TMEM164: variants seen among roughly 807,000 people sequenced by gnomAD.
TMEM164 encodes the protein transmembrane protein 164.
TMEM164 carries 4 observed loss-of-function variants against 18.8 expected under a neutral mutation model. The ratio of observed to expected loss-of-function variants is 0.21; its 90% CI spans 0.10 to 0.49. The LOEUF is 0.49. Among genes scored for constraint, TMEM164 ranks in the 20% least tolerant of loss-of-function variants. TMEM164 has a pLI of 0.98. For synonymous variants in TMEM164, 86 were observed against 101.7 expected, an observed-to-expected ratio of 0.85 and a Z score of 0.93; for missense variants, 108 against 239.9, an observed-to-expected ratio of 0.45 and a Z score of 3.63.
rs140695981 is a variant in TMEM164, at chrX:110,051,131, G to A, written c.391-16216G>A. Among the ~76,000 whole-genome samples, 16 of 111,814 alleles carry A rather than the reference G, an allele frequency of 1.4e-4. No individual in the cohort carries two copies. In the East Asian group the frequency reaches 3.9e-3, roughly 27 times the overall value. ...TGCCTTCCTTTGAGGGGAATATACA[G>A]TGTAAAGAAGATTTTTTAAAATGGT... On this transcript the variant is annotated intron_variant, in intron 2 of 6. Coordinates refer to ENST00000372068, the MANE Select transcript of TMEM164 (RefSeq NM_032227.4).
At chrX:110,088,465 T>C (rs1037902660) in intron 3 of TMEM164, among the ~76,000 whole-genome samples, 3 of 112,154 alleles carry the variant, frequency 2.7e-5, no homozygotes, top group African/African-American at 9.7e-5. Context: ...AAGACTCAGT[T>C]ATTGGCAAAG....
At position 110,095,989 on chromosome X, in the gene TMEM164, CTGCAGAACAGCAAATAT is replaced by C. The variant is rs1269748449; in HGVS notation, c.441-13078_441-13062del. Among the ~76,000 whole-genome samples, 6 of 112,500 alleles carry C rather than the reference CTGCAGAACAGCAAATAT, an allele frequency of 5.3e-5. No individual in the cohort carries two copies. In the Admixed American group the frequency reaches 5.7e-4, roughly 11 times the overall value. On this transcript the variant is annotated intron_variant, in intron 3 of 6. Coordinates refer to ENST00000372068, the MANE Select transcript of TMEM164 (RefSeq NM_032227.4). The stretch of plus-strand genomic sequence containing the variant: ...TTTGCCTGGGTATCACCAGCGGAGG[CTGCAGAACAGCAAATAT>C]TGCAGAACAGCAGATGTTCCTGCCT...
chrX:110,117,030 T>C (rs969686123), intron 4 of TMEM164, among the ~76,000 whole-genome samples: 1 of 111,387 alleles, frequency 9.0e-6, no homozygotes, highest in African/African-American at 3.3e-5. Flanking sequence ...TTCATAAAGC[T>C]ATTGTGAGGA....
At chrX:110,068,278 G>A (rs2065531232) in intron 3 of TMEM164, among the ~76,000 whole-genome samples, 1 of 112,311 alleles carries the variant, frequency 8.9e-6, no homozygotes, top group South Asian at 3.7e-4. Flanking sequence ...CCCTGAAATA[G>A]CCACTTAGTC....
At chrX:110,151,698 G>A (rs963370698) in intron 5 of TMEM164, among the ~76,000 whole-genome samples, 6 of 111,437 alleles carry the variant, frequency 5.4e-5, no homozygotes, top group African/African-American at 1.3e-4. Context: ...CATGAGAATC[G>A]CTTGAACCCA....
intron 5 of TMEM164, among the ~76,000 whole-genome samples, chrX:110,147,432 C>G (rs2066873119): frequency 9.0e-6 from 1 of 111,438 alleles, no homozygotes; most frequent in Admixed American, 9.5e-5. Flanking sequence ...ACTCCCAACC[C>G]CACCGGCAGC....
At chrX:110,077,249 T>C (rs1032865804) in intron 3 of TMEM164, among the ~76,000 whole-genome samples, 1 of 112,193 alleles carries the variant, frequency 8.9e-6, no homozygotes, top group African/African-American at 3.2e-5. Context: ...GTTTGTAGTC[T>C]TTTTATCTGG....
At chrX:110,072,303 A>G in intron 3 of TMEM164, among the ~76,000 whole-genome samples, 1 of 108,736 alleles carries the variant, frequency 9.2e-6, no homozygotes, top group Middle Eastern at 4.7e-3. Context: ...TCTCAAAAAA[A>G]AAAAAAAAAA....
intron 2 of TMEM164, among the ~76,000 whole-genome samples, chrX:110,061,017 G>A (rs1246136615): frequency 1.8e-5 from 2 of 112,293 alleles, no homozygotes; most frequent in Non-Finnish European, 3.8e-5. Flanking sequence ...AAAGGGTTAA[G>A]TATTCTCTGT....
Position 110,040,887 on chromosome X carries a change from G to A in TMEM164, c.391-26460G>A, listed in dbSNP as rs773613795. 1.7e-3 allele frequency among the ~76,000 whole-genome samples: 185 copies of A among 111,251 alleles called. 1 individual carries two copies. Among genetic ancestry groups the A allele is most frequent in the Non-Finnish European group, 3.1e-3 (164 of 53,087 alleles). Reference sequence around the variant, plus strand: ...ACTGCTAAATGTCATCTTTTTTTGTGGATCCCTATTTGACTGACTCTTTGG... The same window carrying A: ...ACTGCTAAATGTCATCTTTTTTTGTAGATCCCTATTTGACTGACTCTTTGG... On this transcript the variant is annotated intron_variant, in intron 2 of 6. Transcript: ENST00000372068.
intron 3 of TMEM164, among the ~76,000 whole-genome samples, chrX:110,089,563 CTAAT>C (rs1322349800): frequency 8.9e-6 from 1 of 112,351 alleles, no homozygotes; most frequent in African/African-American, 3.2e-5. Flanking sequence ...GTTTACCCAT[CTAAT>C]TAAGTATTCT....
chrX:110,054,895 CTT>C (rs1012989713), intron 2 of TMEM164, among the ~76,000 whole-genome samples: 1 of 111,903 alleles, frequency 8.9e-6, no homozygotes. Context: ...GATGAGAACA[CTT>C]GTGTGTATCA....
At chrX:110,124,010 G>A (rs2066488708) in intron 4 of TMEM164, among the ~76,000 whole-genome samples, 1 of 110,378 alleles carries the variant, frequency 9.1e-6, no homozygotes, top group South Asian at 3.8e-4. Flanking sequence ...CACCTACTTG[G>A]GAGGCTGAGG....
chrX:110,021,618 G>C (rs1167306074), intron 2 of TMEM164, among the ~76,000 whole-genome samples: 2 of 111,520 alleles, frequency 1.8e-5, no homozygotes, highest in African/African-American at 6.5e-5. Flanking sequence ...TCAGTGTGAA[G>C]CGGGGAGCAG....
intron 4 of TMEM164, among the ~76,000 whole-genome samples, chrX:110,130,463 G>A (rs181546274): frequency 8.8e-4 from 98 of 111,733 alleles, no homozygotes; most frequent in Non-Finnish European, 4.1e-4. Context: ...ACAATGCCTG[G>A]CAGAGAAGTG....
chrX:110,009,448 T>G (rs778079609), intron 2 of TMEM164, among the ~76,000 whole-genome samples: 36 of 111,341 alleles, frequency 3.2e-4, no homozygotes, highest in African/African-American at 1.3e-4. Context: ...GATCATTTTT[T>G]TTTGTTTGTT....
At chrX:110,114,158 T>C (rs1051161248) in intron 4 of TMEM164, among the ~76,000 whole-genome samples, 2 of 111,826 alleles carry the variant, frequency 1.8e-5, no homozygotes, top group Non-Finnish European at 3.8e-5. Flanking sequence ...ATGAATGAAA[T>C]TCAGGGAGAG....
chrX:110,161,749 G>A (rs1010029948), intron 5 of TMEM164, among the ~76,000 whole-genome samples: 2 of 112,022 alleles, frequency 1.8e-5, no homozygotes, highest in Admixed American at 1.9e-4. Context: ...TCTCCTATAT[G>A]GTTGGAGGAC....
intron 4 of TMEM164, among the ~76,000 whole-genome samples, chrX:110,123,642 C>T (rs994015688): frequency 8.9e-6 from 1 of 111,979 alleles, no homozygotes; most frequent in Non-Finnish European, 1.9e-5. Flanking sequence ...ATTTAAGCAA[C>T]TGAACTTTGC....
Sources: allele counts gnomAD v4.1 joint callset (sites outside exome capture counted in the v4.1 genomes callset), GRCh38; gene constraint gnomAD v4.1.1; transcripts MANE v1.5; gene names NCBI Gene and HGNC (gene_info 2026-07-23, HGNC 2026-07-21).